Variants in GALNT17 observed in about 807,000 individuals in gnomAD.
GALNT17 encodes polypeptide N-acetylgalactosaminyltransferase 17, also known as UDP-GalNAc:polypeptide N-acetylgalactosaminyltransferase-like 3.
In GALNT17, 29 loss-of-function variants were observed where a neutral mutation model predicts 63.7. The observed-to-expected ratio is 0.46, with a 90% CI of 0.34 to 0.62. The LOEUF is 0.62. GALNT17 is among the 20% of genes least tolerant of loss of function. GALNT17 has a pLI of 0.01. For missense variants in GALNT17, 603 were observed against 799.6 expected, an observed-to-expected ratio of 0.75 and a Z score of 2.97; for synonymous variants, 305 against 318.3, an observed-to-expected ratio of 0.96 and a Z score of 0.45.
intron 6 of GALNT17, among the ~76,000 whole-genome samples, chr7:71,650,850 T>C (rs542018195): frequency 6.6e-6 from 1 of 152,268 alleles, no homozygotes; most frequent in African/African-American, 2.4e-5. Flanking sequence ...TTCCTGGCAT[T>C]CTATTTTTAA....
intron 6 of GALNT17, among the ~76,000 whole-genome samples, chr7:71,579,612 A>T (rs965880174): frequency 6.6e-6 from 1 of 152,228 alleles, no homozygotes; most frequent in African/African-American, 2.4e-5. Flanking sequence ...GTGTGCAAGG[A>T]AGAATATTCT....
chr7:71,277,360 T>C (rs1043089172), intron 1 of GALNT17, among the ~76,000 whole-genome samples: 6 of 152,156 alleles, frequency 3.9e-5, no homozygotes, highest in Non-Finnish European at 7.4e-5. Context: ...GCGAGGGGCA[T>C]GAGGGTAGGA....
chr7:71,550,492 T>C (rs987491066), intron 5 of GALNT17, among the ~76,000 whole-genome samples: 3 of 152,120 alleles, frequency 2.0e-5, no homozygotes, highest in Admixed American at 6.6e-5. Context: ...GCAATTCTCC[T>C]GCCTCAGCCT....
At chr7:71,660,026 T>TGTCTCAAAAAAAAAAATCC (rs1435113793) in intron 6 of GALNT17, among the ~76,000 whole-genome samples, 16 of 152,340 alleles carry the variant, frequency 1.1e-4, no homozygotes, top group Non-Finnish European at 7.3e-5. Flanking sequence ...TGCCTGTGAT[T>TGTCTCAAAAAAAAAAATCC]CTTTGATTAA....
At chr7:71,401,103 T>C (rs994717730) in intron 3 of GALNT17, among the ~76,000 whole-genome samples, 5 of 151,482 alleles carry the variant, frequency 3.3e-5, no homozygotes, top group Admixed American at 1.3e-4. Context: ...TTTTCTTTTT[T>C]TTTTTTTTCT....
At chr7:71,651,551 C>T (rs902686305) in intron 6 of GALNT17, among the ~76,000 whole-genome samples, 1 of 152,146 alleles carries the variant, frequency 6.6e-6, no homozygotes, top group Non-Finnish European at 1.5e-5. Context: ...ATCCACCTGC[C>T]TCGGCCTCCC....
intron 1 of GALNT17, chr7:71,300,195 A>AT: frequency 3.6e-6 from 1 of 278,630 alleles, no homozygotes; most frequent in East Asian, 1.0e-4. Flanking sequence ...GTGGGAGATG[A>AT]TTTAAATTGC....
chr7:71,627,760 A>G (rs1025603520), intron 6 of GALNT17, among the ~76,000 whole-genome samples: 1 of 152,184 alleles, frequency 6.6e-6, no homozygotes, highest in Non-Finnish European at 1.5e-5. Flanking sequence ...TAACATGTAT[A>G]TTGCAACGCT....
chr7:71,394,802 T>C (rs1051516074), intron 3 of GALNT17, among the ~76,000 whole-genome samples: 9 of 152,058 alleles, frequency 5.9e-5, no homozygotes, highest in South Asian at 2.1e-4. Flanking sequence ...CCATAAAATA[T>C]ACTATAAAAA....
intron 2 of GALNT17, among the ~76,000 whole-genome samples, chr7:71,378,306 C>T (rs191877332): frequency 4.6e-5 from 7 of 152,272 alleles, no homozygotes; most frequent in Admixed American, 4.6e-4. Context: ...AGCGGGGCCT[C>T]GCACCTCTCA....
chr7:71,380,916 C>T (rs1348720761), intron 2 of GALNT17, among the ~76,000 whole-genome samples: 2 of 150,748 alleles, frequency 1.3e-5, no homozygotes, highest in Non-Finnish European at 3.0e-5. Context: ...TGCTGGGCCC[C>T]ACCTCCAGGG....
chr7:71,221,293 G>A (rs1240977846), intron 1 of GALNT17, among the ~76,000 whole-genome samples: 1 of 151,748 alleles, frequency 6.6e-6, no homozygotes, highest in Non-Finnish European at 1.5e-5. Context: ...GTATTTCATG[G>A]TGTATGTGTA....
At chr7:71,421,186 G>A in intron 5 of GALNT17, 81 bp downstream of exon 5, 2 of 1,496,966 alleles carry the variant, frequency 1.3e-6, no homozygotes, top group Non-Finnish European at 1.8e-6. Context: ...GGCCAGGAAA[G>A]CCTGCCTTGG....
intron 1 of GALNT17, among the ~76,000 whole-genome samples, chr7:71,266,917 G>T (rs1397697351): frequency 6.6e-6 from 1 of 152,160 alleles, no homozygotes; most frequent in East Asian, 1.9e-4. Context: ...AGACCCAGGA[G>T]GCATTGAGAC....
chr7:71,680,801 CTT>C (rs1384483564), intron 9 of GALNT17, among the ~76,000 whole-genome samples: 19 of 145,020 alleles, frequency 1.3e-4, no homozygotes, highest in African/African-American at 4.9e-4. Flanking sequence ...TCCTTCCTTC[CTT>C]CCTTTCTTCC....
At chr7:71,217,860 G>A (rs1789513907) in intron 1 of GALNT17, among the ~76,000 whole-genome samples, 1 of 151,666 alleles carries the variant, frequency 6.6e-6, no homozygotes, top group Non-Finnish European at 1.5e-5. Flanking sequence ...CTCCGGAGGC[G>A]GAGCTTGCAA....
intron 3 of GALNT17, among the ~76,000 whole-genome samples, chr7:71,411,202 C>T (rs933349105): frequency 3.9e-5 from 6 of 151,990 alleles, no homozygotes; most frequent in Non-Finnish European, 8.8e-5. Context: ...CTCACTGCAA[C>T]CCCTGCCCCC....
intron 1 of GALNT17, among the ~76,000 whole-genome samples, chr7:71,315,229 AT>A (rs1791479827): frequency 6.6e-6 from 1 of 152,228 alleles, no homozygotes; most frequent in African/African-American, 2.4e-5. Context: ...GTCAAATCAT[AT>A]TCCATTGTAT....
chr7:71,135,453 G>A (rs1562850480), intron 1 of GALNT17, among the ~76,000 whole-genome samples: 1 of 152,138 alleles, frequency 6.6e-6, no homozygotes, highest in Non-Finnish European at 1.5e-5. Flanking sequence ...TGGGTGCTCT[G>A]ACACCCGCCT....
Sources: allele counts gnomAD v4.1 joint callset (sites outside exome capture counted in the v4.1 genomes callset), GRCh38; gene constraint gnomAD v4.1.1; transcripts MANE v1.5; gene names NCBI Gene and HGNC (gene_info 2026-07-23, HGNC 2026-07-21).